Variants in P2RX7 observed in about 807,000 individuals in gnomAD.
P2RX7 encodes purinergic receptor P2X 7.
In P2RX7, 62 loss-of-function variants were observed where a neutral mutation model predicts 71.6. The observed-to-expected ratio is 0.87, with a 90% confidence interval of 0.71 to 1.07. The LOEUF is 1.07. P2RX7 is among the 50% of genes least tolerant of loss of function. The probability of loss-of-function intolerance (pLI) is 0.00; values close to 1 mark genes in which losing one functional copy is unlikely to be tolerated. For synonymous variants in P2RX7, 299 were observed against 283.3 expected (o/e 1.06, Z -0.56); for missense variants, 686 against 748.5 (o/e 0.92, Z 0.97).
At chr12:121,151,576 A>G (rs1278199183) in intron 1 of P2RX7, among the ~76,000 whole-genome samples, 1 of 152,148 alleles carries the variant, frequency 6.6e-6, no homozygotes, top group Non-Finnish European at 1.5e-5. Context: ...TAATATTTCT[A>G]CAGCACATAT....
chr12:121,181,326 T>C lies in P2RX7; in HGVS notation c.1290+871T>C, dbSNP rs528286894. ...CTACTGTTGATGGACATTTGGGTAG[T>C]GTCCAGTTTGGGGCTAATGCCAATA... On this transcript the variant is annotated intron_variant, in intron 12 of 12. Coordinates refer to ENST00000328963, the MANE Select transcript of P2RX7 (RefSeq NM_002562.6). Among the ~76,000 whole-genome samples, 298 of 152,328 alleles carry C rather than the reference T, an allele frequency of 2.0e-3. 3 individuals carry two copies. The highest frequency in any genetic ancestry group is 6.6e-3 in the African/African-American group (275 of 41,570).
At position 121,155,231 on chromosome 12, in the gene P2RX7, C is replaced by T. The variant is rs568572549; in HGVS notation, c.294+278C>T. The T allele has an allele frequency of 6.5e-5, 90 of 1,389,504 alleles. No homozygotes were observed. The African/African-American group carries it at 7.3e-4, about 11-fold the overall frequency. The allele number at this position is 1,389,504 out of a possible 1,614,324, so 86.1% of individuals were successfully genotyped here. The stretch of plus-strand genomic sequence containing the variant: ...TTGATTCACTCGCGCTTGATTTACC[C>T]GCAGCTTTTTAGACGCACAGCCACC... On this transcript the variant is annotated intron_variant, in intron 2 of 12. Transcript: ENST00000328963.
intron 2 of P2RX7, 94 bp downstream of exon 2, chr12:121,155,047 A>T: frequency 6.5e-7 from 1 of 1,549,896 alleles, no homozygotes; most frequent in Non-Finnish European, 8.7e-7. Context: ...TCACTCCAGA[A>T]AAAACGCTGG....
chr12:121,162,564 C>T (rs200506560), intron 5 of P2RX7, 44 bp downstream of exon 5: 2 of 1,601,508 alleles, frequency 1.2e-6, no homozygotes, highest in Non-Finnish European at 1.7e-6. Context: ...TCAGCGGCGA[C>T]CAGATGAGGC....
intron 2 of P2RX7, 145 bp from the exon 3 acceptor site, chr12:121,155,934 C>A: frequency 1.4e-6 from 1 of 720,268 alleles, no homozygotes; most frequent in South Asian, 1.7e-5. Context: ...GATATTAAGC[C>A]CTTGGCATAT....
In P2RX7 at chr12:121,181,251, A is replaced by G. The variant is rs76045059; in HGVS notation, c.1290+796A>G. Among the ~76,000 whole-genome samples the G allele has an allele frequency of 3.9e-3, 593 of 152,294 alleles. 16 individuals carry two copies. The East Asian group carries it at 0.072, about 19-fold the overall frequency. The stretch of plus-strand genomic sequence containing the variant: ...TTGTTCATGATGCCATGTATAGTTC[A>G]TTCTCATTGTATAATTCTGTTTTAT... On this transcript the variant is annotated intron_variant, in intron 12 of 12. Transcript: ENST00000328963.
In P2RX7 at chr12:121,167,685, G is replaced by T. The variant is rs896093149; in HGVS notation, c.881+61G>T. 4.2e-6 allele frequency: 6 copies of T among 1,421,006 alleles called. No individual in the cohort carries two copies. In the Admixed American group the frequency reaches 1.3e-4, roughly 31 times the overall value. 88.0% of individuals were successfully genotyped at this position (1,421,006 alleles called of 1,614,324 possible). On this transcript the variant is annotated intron_variant, in intron 8 of 12. Coordinates refer to ENST00000328963, the MANE Select transcript of P2RX7 (RefSeq NM_002562.6). ...CTGAATCGCATTCCCAGGAACTGGT[G>T]AGACTAATTTTGGTTTCCAAGGCAA... is the stretch of plus-strand genomic sequence containing the variant.
chr12:121,165,299 C>T, intron 5 of P2RX7, 58 bp from the exon 6 acceptor site: 1 of 1,365,898 alleles, frequency 7.3e-7, no homozygotes. Context: ...CCCACTGGCC[C>T]ATGGGCTCCC....
intron 4 of P2RX7, among the ~76,000 whole-genome samples, chr12:121,161,987 A>G (rs1243518376): frequency 6.6e-6 from 1 of 152,166 alleles, no homozygotes; most frequent in Non-Finnish European, 1.5e-5. Flanking sequence ...TCCCTTGGAA[A>G]CTGATTAATC....
intron 1 of P2RX7, among the ~76,000 whole-genome samples, chr12:121,144,723 C>A (rs138006429): frequency 2.0e-5 from 3 of 152,150 alleles, no homozygotes; most frequent in East Asian, 1.9e-4. Flanking sequence ...GAGCTGTTGG[C>A]GACCTGGACT....
intron 4 of P2RX7, 27 bp downstream of exon 4, chr12:121,161,001 C>A (rs374149653): frequency 6.4e-6 from 10 of 1,566,798 alleles, no homozygotes; most frequent in Non-Finnish European, 7.9e-6. Flanking sequence ...TTCCCGAGAC[C>A]CTAGGGGTGG....
intron 8 of P2RX7, among the ~76,000 whole-genome samples, chr12:121,168,831 T>C (rs1489735758): frequency 6.6e-6 from 1 of 152,262 alleles, no homozygotes; most frequent in East Asian, 1.9e-4. Flanking sequence ...GTAACCACAG[T>C]GTGCATCTTT....
chr12:121,155,305 A>G, intron 2 of P2RX7: 3 of 1,313,258 alleles, frequency 2.3e-6, no homozygotes, highest in Non-Finnish European at 3.0e-6. Flanking sequence ...ACTTTCTACC[A>G]AAGAGCACCA....
intron 9 of P2RX7, 30 bp downstream of exon 9, chr12:121,175,508 G>A (rs777645214): frequency 2.0e-5 from 19 of 948,702 alleles, no homozygotes; most frequent in East Asian, 4.8e-5. Context: ...TCCGGGCACC[G>A]GCATCCTATG....
rs200779736 is a variant in P2RX7, at chr12:121,133,028, C to T, written c.58C>T (p.Arg20Trp). Reference sequence around the variant, plus strand: ...CCAGTATGAGACGAACAAAGTCACTCGGATCCAGAGCATGAATTATGGCAC... The same window carrying T: ...CCAGTATGAGACGAACAAAGTCACTTGGATCCAGAGCATGAATTATGGCAC... The part of the protein sequence containing the change: ...VFQYETNKVT[R>W]IQSMNYGTIK... The change falls in exon 1 of 13, where the codon CGG becomes TGG. Residue 20 changes from arginine to tryptophan, a missense_variant. By Grantham distance (101) the Arg-to-Trp change is moderately radical (BLOSUM62 -3). Coordinates refer to ENST00000328963, the MANE Select transcript of P2RX7 (RefSeq NM_002562.6). 2.7e-5 allele frequency: 43 copies of T among 1,614,006 alleles called. No individual in the cohort carries two copies. The highest frequency in any genetic ancestry group is 4.5e-5 in the East Asian group (2 of 44,850).
At chr12:121,143,020 G>A (rs1875313997) in intron 1 of P2RX7, among the ~76,000 whole-genome samples, 1 of 151,598 alleles carries the variant, frequency 6.6e-6, no homozygotes, top group Non-Finnish European at 1.5e-5. Context: ...GGCAGAGACT[G>A]CAGTGAGCCA....
At chr12:121,161,341 A>G (rs1387539481) in intron 4 of P2RX7, among the ~76,000 whole-genome samples, 2 of 152,170 alleles carry the variant, frequency 1.3e-5, no homozygotes, top group African/African-American at 4.8e-5. Flanking sequence ...AGCAATACCC[A>G]TATTAACCTG....
Position 121,186,846 on chromosome 12 carries a change from G to C in P2RX7, c.*2044G>C, listed in dbSNP as rs965886735. The C allele has an allele frequency of 2.0e-5, 3 of 152,268 alleles. No homozygotes were observed. The highest frequency in any genetic ancestry group is 4.4e-5 in the Non-Finnish European group (3 of 68,106). 9.4% of individuals were successfully genotyped at this position (152,268 alleles called of 1,614,324 possible). ...GATAGTGCCACTGCACTCCAGCCTA[G>C]ATAACAGAGCAAGACTCTGTCTCAA... is the stretch of plus-strand genomic sequence containing the variant. On this transcript the variant is annotated 3_prime_UTR_variant, in exon 13 of 13. Transcript: ENST00000328963.
Position 121,165,412 on chromosome 12 carries a change from G to A in P2RX7, c.589G>A (p.Asp197Asn), listed in dbSNP as rs201275023. The A allele has an allele frequency of 7.4e-5, 120 of 1,613,782 alleles. 1 individual carries two copies. The highest frequency in any genetic ancestry group is 8.6e-5 in the Non-Finnish European group (101 of 1,179,960). Residue 197 changes from aspartate to asparagine, a missense_variant, in exon 6 of 13, where the codon GAC (aspartate) becomes AAC (asparagine). By Grantham distance (23) the Asp-to-Asn change is conservative. Coordinates refer to ENST00000328963, the MANE Select transcript of P2RX7 (RefSeq NM_002562.6). Reference protein sequence around the residue: ...NFTVLIKNNIDFPGHNYTTRN... With the variant: ...NFTVLIKNNINFPGHNYTTRN... The stretch of plus-strand genomic sequence containing the variant: ...CACTGTGCTCATCAAGAACAATATC[G>A]ACTTCCCCGGCCACAACTACACCAC...
Sources: allele counts gnomAD v4.1 joint callset (sites outside exome capture counted in the v4.1 genomes callset), GRCh38; gene constraint gnomAD v4.1.1; transcripts MANE v1.5; gene names NCBI Gene and HGNC (gene_info 2026-07-23, HGNC 2026-07-21).